Variants in FSCN2 observed in about 807,000 individuals in gnomAD.
The protein encoded by FSCN2 is fascin-2.
A neutral mutation model predicts 37.8 loss-of-function variants in FSCN2; 46 were observed. The observed-to-expected ratio is 1.22, with a 90% confidence interval of 0.96 to 1.56. The LOEUF is 1.56. FSCN2 is among the 40% of genes most tolerant of loss of function. The pLI, the probability that FSCN2 is intolerant of heterozygous loss-of-function variation, is 0.00. For synonymous variants in FSCN2, 351 were observed against 309.4 expected (o/e 1.13, Z -1.41); for missense variants, 844 against 730.4 (o/e 1.16, Z -1.79).
At chr17:81,524,881 C>G (rs2032300019), upstream of FSCN2, among the ~76,000 whole-genome samples, 1 of 103,384 alleles carries the variant, frequency 9.7e-6, no homozygotes, top group Admixed American at 1.1e-4. Context: ...CCACCCTCAT[C>G]CATGAGCACC....
chr17:81,528,972 C>T lies in FSCN2; in HGVS notation c.441C>T (p.Ser147=), dbSNP rs1555670689. The T allele has an allele frequency of 6.3e-7, 1 of 1,587,066 alleles. No individual in the cohort carries two copies. Among genetic ancestry groups the T allele is most frequent in the Non-Finnish European group, 8.5e-7 (1 of 1,171,370 alleles). ...CGCAGGCCCACCTGCTGAGCGTGAG[C>T]CGGCGGCGCTACGTGCACCTGTGCC... The part of the protein sequence containing the change: ...IHPQAHLLSV[S]RRRYVHLCPR... Residue 147 remains serine (S), a synonymous_variant, in exon 1 of 5, where the codon AGC becomes AGT. Coordinates refer to ENST00000417245, the MANE Select transcript of FSCN2 (RefSeq NM_012418.4).
At chr17:81,523,056 C>T in the FSCN2 span, among the ~76,000 whole-genome samples, 1 of 152,226 alleles carries the variant, frequency 6.6e-6, no homozygotes, top group East Asian at 1.9e-4. Context: ...CCTCTTCCTC[C>T]CCTCCCCTTC....
chr17:81,531,728 G>A (rs1343859603), intron 1 of FSCN2, among the ~76,000 whole-genome samples: 6 of 145,550 alleles, frequency 4.1e-5, no homozygotes, highest in African/African-American at 1.6e-4. Context: ...TGGTGATGGT[G>A]ATGGTGATGA....
chr17:81,519,450 A>T, the FSCN2 span, among the ~76,000 whole-genome samples: 115 of 152,146 alleles, frequency 7.6e-4, no homozygotes, highest in Non-Finnish European at 1.4e-3. Flanking sequence ...GGGCCGGGAG[A>T]TGGCGCCCGT....
At chr17:81,517,665 G>A in the FSCN2 span, among the ~76,000 whole-genome samples, 568 of 152,206 alleles carry the variant, frequency 3.7e-3, 2 homozygotes, top group African/African-American at 0.013. Flanking sequence ...CCTTTCCCCA[G>A]GCCTCATTCC....
chr17:81,528,107 G>A (rs1555670394), upstream of FSCN2, among the ~76,000 whole-genome samples: 1 of 152,304 alleles, frequency 6.6e-6, no homozygotes, highest in East Asian at 1.9e-4. Flanking sequence ...GAGGAGGGGG[G>A]CAGGAACGAG....
chr17:81,526,007 G>A (rs547245022), upstream of FSCN2, among the ~76,000 whole-genome samples: 409 of 152,310 alleles, frequency 2.7e-3, no homozygotes, highest in African/African-American at 9.5e-3. Context: ...CCCACCCAAC[G>A]TGGAGCTGTG....
At chr17:81,529,704 C>A in intron 1 of FSCN2, 2 of 547,706 alleles carry the variant, frequency 3.7e-6, no homozygotes, top group Non-Finnish European at 7.0e-6. Context: ...CCAGCAGGGG[C>A]AGGAGGCCCA....
intron 1 of FSCN2, among the ~76,000 whole-genome samples, chr17:81,532,750 T>G (rs1400601190): frequency 2.1e-5 from 3 of 146,024 alleles, no homozygotes; most frequent in Non-Finnish European, 4.5e-5. Flanking sequence ...ATGATGACAG[T>G]GATGATGGTG....
the FSCN2 span, among the ~76,000 whole-genome samples, chr17:81,518,595 C>A: frequency 6.6e-6 from 1 of 152,202 alleles, no homozygotes; most frequent in South Asian, 2.1e-4. Context: ...ACTCTCCGCA[C>A]GGACCCTCTC....
At chr17:81,531,102 A>G (rs372248130) in intron 1 of FSCN2, among the ~76,000 whole-genome samples, 12,093 of 151,926 alleles carry the variant, frequency 0.08, 1,429 homozygotes, top group African/African-American at 0.25. Context: ...GTGGCGTGGA[A>G]GTGGAGGTGA....
chr17:81,536,737 C>T lies in FSCN2; in HGVS notation c.1221C>T (p.Ser407=), dbSNP rs367955776. Residue 407 remains serine (S), a synonymous_variant, in exon 4 of 5, where the codon TCC becomes TCT. Transcript: ENST00000417245. ...RGSNQLDTNR[S]VYDVFHLSFS... is the part of the protein sequence containing the mutation. Reference sequence around the variant, plus strand: ...CCAACCAGCTGGACACCAACCGCTCCGTCTACGACGTCTTCCACCTGAGCT... The same window carrying T: ...CCAACCAGCTGGACACCAACCGCTCTGTCTACGACGTCTTCCACCTGAGCT... 1.2e-5 allele frequency: 19 copies of T among 1,610,538 alleles called. No homozygotes were observed. Among genetic ancestry groups the T allele is most frequent in the South Asian group, 5.5e-5 (5 of 90,808 alleles).
chr17:81,523,256 A>T, the FSCN2 span, among the ~76,000 whole-genome samples: 1 of 152,278 alleles, frequency 6.6e-6, no homozygotes, highest in Non-Finnish European at 1.5e-5. Context: ...GCAGGCAGGC[A>T]GCCACGCTGG....
In FSCN2 at chr17:81,536,790, G is replaced by C. The variant is rs761338047; in HGVS notation, c.1273+1G>C. The C allele has an allele frequency of 6.3e-7, 1 of 1,586,100 alleles. No individual in the cohort carries two copies. Among genetic ancestry groups the C allele is most frequent in the African/African-American group, 1.3e-5 (1 of 74,306 alleles). The stretch of plus-strand genomic sequence containing the variant: ...AGCGACGGCGCCTACCGGATCCGAG[G>C]TGCGTGGCGGGGCGGGTGGGCACGC... On this transcript the variant is annotated splice_donor_variant, in intron 4 of 4. Coordinates refer to ENST00000417245, the MANE Select transcript of FSCN2 (RefSeq NM_012418.4). LOFTEE classifies it high-confidence loss of function.
At position 81,529,124 on chromosome 17, in the gene FSCN2, G is replaced by T; in HGVS notation, c.593G>T (p.Gly198Val). 6.3e-7 allele frequency: 1 copy of T among 1,582,606 alleles called. No homozygotes were observed. Among genetic ancestry groups the T allele is most frequent in the South Asian group, 1.2e-5 (1 of 86,596 alleles). ...GACAGCCGCTACCTGCGCAGCGACG[G>T]CCGTCTGGTCTGGGAGCCTGAGCCC... ...SCDSRYLRSD[G>V]RLVWEPEPRA... The change falls in exon 1 of 5, where the codon GGC becomes GTC. Residue 198 changes from glycine to valine, a missense_variant. Coordinates refer to ENST00000417245, the MANE Select transcript of FSCN2 (RefSeq NM_012418.4).
At chr17:81,536,369 G>T (rs2032877323) in intron 3 of FSCN2, 102 bp downstream of exon 3, 3 of 1,481,852 alleles carry the variant, frequency 2.0e-6, no homozygotes, top group Non-Finnish European at 2.7e-6. Context: ...ACCCTCCCCA[G>T]CCCACGGAAC....
intron 1 of FSCN2, among the ~76,000 whole-genome samples, chr17:81,531,285 GTGA>G (rs1568077024): frequency 1.2e-4 from 8 of 66,014 alleles, no homozygotes; most frequent in Admixed American, 5.9e-4. Context: ...GGTGGTGATG[GTGA>G]TGGTGGTGAT....
Position 81,535,113 on chromosome 17 carries a change from T to G in FSCN2, c.888T>G (p.Ile296Met). The G allele has an allele frequency of 1.3e-6, 2 of 1,532,898 alleles. No individual in the cohort carries two copies. The highest frequency in any genetic ancestry group is 1.7e-6 in the Non-Finnish European group (2 of 1,144,426). 95.0% of individuals were successfully genotyped at this position (1,532,898 alleles called of 1,614,324 possible). ...ELDHETFLMQIDQETKKCTFY... is the reference protein window; with the variant it reads ...ELDHETFLMQMDQETKKCTFY... ...ACCACGAGACCTTCCTGATGCAAAT[T>G]GACCAGGAGACAAAGAAGTGCACCT... The change falls in exon 2 of 5, where the codon ATT (isoleucine) becomes ATG (methionine). Residue 296 changes from isoleucine to methionine, a missense_variant. By Grantham distance (10) the Ile-to-Met change is conservative. Coordinates refer to ENST00000417245, the MANE Select transcript of FSCN2 (RefSeq NM_012418.4).
Position 81,536,927 on chromosome 17 carries a change from C to T in FSCN2, c.1326C>T (p.Asp442=), listed in dbSNP as rs968265282. ...YTGSHGSVCS[D]GERAEDFVFE... ...GCAGCCACGGCAGCGTGTGCAGCGA[C>T]GGCGAACGCGCCGAGGACTTCGTCT... The change falls in exon 5 of 5, where the codon GAC becomes GAT. Residue 442 remains aspartate, a synonymous_variant. Transcript: ENST00000417245. 4 of 1,573,106 alleles carry T rather than the reference C, an allele frequency of 2.5e-6. No individual in the cohort carries two copies. In the South Asian group the frequency reaches 3.4e-5, roughly 14 times the overall value.
Sources: allele counts gnomAD v4.1 joint callset (sites outside exome capture counted in the v4.1 genomes callset), GRCh38; gene constraint gnomAD v4.1.1; transcripts MANE v1.5; gene names NCBI Gene and HGNC (gene_info 2026-07-23, HGNC 2026-07-21).